WNT6: variants seen among roughly 807,000 people sequenced by gnomAD.
The protein encoded by WNT6 is Wnt family member 6, also known as protein Wnt-6.
In WNT6, 27 loss-of-function variants were observed where a neutral mutation model predicts 33.1. The observed-to-expected ratio is 0.82, with a 90% CI of 0.60 to 1.12. The LOEUF is 1.12. WNT6 is among the 50% of genes most tolerant of loss of function. The pLI is 0.00. For synonymous variants in WNT6, 249 were observed against 242.8 expected, an observed-to-expected ratio of 1.03 and a Z score of -0.24; for missense variants, 494 against 535.3, an observed-to-expected ratio of 0.92 and a Z score of 0.76.
intron 1 of WNT6, among the ~76,000 whole-genome samples, chr2:218,865,119 C>T (rs888455664): frequency 5.9e-5 from 9 of 152,200 alleles, no homozygotes; most frequent in Non-Finnish European, 1.2e-4. Context: ...CATCAGAAGC[C>T]AGGAGTTGGT....
intron 1 of WNT6, among the ~76,000 whole-genome samples, chr2:218,865,003 G>A (rs2106002862): frequency 6.6e-6 from 1 of 152,348 alleles, no homozygotes; most frequent in Middle Eastern, 3.4e-3. Flanking sequence ...AAAGGGCAGG[G>A]GCAGAAGGAG....
Position 218,871,341 on chromosome 2 carries a change from C to G in WNT6, c.301+94C>G. 2 of 1,497,924 alleles carry G rather than the reference C, an allele frequency of 1.3e-6. No homozygotes were observed. The highest frequency in any genetic ancestry group is 1.8e-6 in the Non-Finnish European group (2 of 1,100,928). 92.8% of individuals were successfully genotyped at this position (1,497,924 alleles called of 1,614,324 possible). A position where few individuals can be genotyped will look rare whatever the true frequency, so the allele number is the denominator to read the frequency against. On this transcript the variant is annotated intron_variant, in intron 2 of 3. Transcript: ENST00000233948. This position sits in a 1 kb window ranked among gnomAD's most constrained non-coding sequence, Gnocchi z 6.4. ...TGGTTCGCTGAAGTTGCCTGAGCCC[C>G]ACTTCCCCCTCACATGTGTCTGGGC...
At chr2:218,869,711 A>C (rs1184779947) in intron 1 of WNT6, among the ~76,000 whole-genome samples, 1 of 152,184 alleles carries the variant, frequency 6.6e-6, no homozygotes, top group East Asian at 1.9e-4. Context: ...CCAGGTATGA[A>C]TCCCTAAGGA....
intron 1 of WNT6, among the ~76,000 whole-genome samples, chr2:218,869,803 T>C (rs1944385278): frequency 6.6e-6 from 1 of 152,204 alleles, no homozygotes; most frequent in African/African-American, 2.4e-5. Context: ...GTTGAGGGAT[T>C]TCTGGAAGTG....
At chr2:218,861,304 A>G (rs376339521) in intron 1 of WNT6, among the ~76,000 whole-genome samples, 1 of 152,198 alleles carries the variant, frequency 6.6e-6, no homozygotes, top group South Asian at 2.1e-4. Flanking sequence ...TATCTAGGGA[A>G]CATATGCCCT....
intron 1 of WNT6, among the ~76,000 whole-genome samples, chr2:218,870,513 G>C (rs1484495440): frequency 6.6e-6 from 1 of 152,204 alleles, no homozygotes; most frequent in African/African-American, 2.4e-5. Flanking sequence ...CTCTCCCTGG[G>C]ATTGTTCTTG....
At chr2:218,866,042 GTTA>G (rs2106003385) in intron 1 of WNT6, among the ~76,000 whole-genome samples, 1 of 151,116 alleles carries the variant, frequency 6.6e-6, no homozygotes, top group Non-Finnish European at 1.5e-5. Context: ...TAATTACCGA[GTTA>G]GACAGAGCAG....
chr2:218,861,485 G>A (rs1944309917), intron 1 of WNT6, among the ~76,000 whole-genome samples: 2 of 152,074 alleles, frequency 1.3e-5, no homozygotes, highest in Admixed American at 1.3e-4. Flanking sequence ...GGTTAGGTGG[G>A]AGGACGTGTA....
rs1244863474 is a variant in WNT6 at position 218,867,526 on chromosome 2, T to G, written c.81-3501T>G. 6.6e-6 allele frequency among the ~76,000 whole-genome samples: 1 copy of G among 152,238 alleles called. No homozygotes were observed. The highest frequency in any genetic ancestry group is 6.5e-5 in the Admixed American group (1 of 15,288). On this transcript the variant is annotated intron_variant, in intron 1 of 3. Coordinates refer to ENST00000233948, the MANE Select transcript of WNT6 (RefSeq NM_006522.4). The surrounding 1 kb of genome is among the most constrained non-coding windows in gnomAD (Gnocchi z 4.9). ...AGACCTTGGCGCAGGCCAAGCCGGT[T>G]AGAATGACCATCCATTGCCTTGTCC...
At position 218,873,288 on chromosome 2, in the gene WNT6, C is replaced by T. The variant is rs1944419712; in HGVS notation, c.637-96C>T. On this transcript the variant is annotated intron_variant, in intron 3 of 3. Coordinates refer to ENST00000233948, the MANE Select transcript of WNT6 (RefSeq NM_006522.4). The surrounding 1 kb of genome is among the most constrained non-coding windows in gnomAD (Gnocchi z 6.1). ...TGTCTGCATTTTCCTCTCTTCCTTT[C>T]ACCTCCCATTCCCAATCTTATTTTC... 1 of 1,240,014 alleles carries T rather than the reference C, an allele frequency of 8.1e-7. No individual in the cohort carries two copies. The highest frequency in any genetic ancestry group is 2.6e-4 in the Middle Eastern group (1 of 3,790). The allele number at this position is 1,240,014 out of a possible 1,614,324, so 76.8% of individuals were successfully genotyped here.
intron 1 of WNT6, among the ~76,000 whole-genome samples, chr2:218,865,805 CT>C (rs1376603515): frequency 1.3e-5 from 2 of 152,130 alleles, no homozygotes; most frequent in Non-Finnish European, 2.9e-5. Context: ...ATAGGAAGCC[CT>C]TTTGTACAGC....
Position 218,873,828 on chromosome 2 carries a change from C to T in WNT6, c.1081C>T (p.Leu361Phe), listed in dbSNP as rs548768289. The T allele has an allele frequency of 2.6e-6, 4 of 1,523,822 alleles. No homozygotes were observed. Among genetic ancestry groups the T allele is most frequent in the South Asian group, 2.5e-5 (2 of 80,546 alleles). The allele number at this position is 1,523,822 out of a possible 1,614,324, so 94.4% of individuals were successfully genotyped here. ...QCHRCRVRKE[L>F]SLCL ...CCACCGCTGCCGTGTGCGCAAGGAG[C>T]TCAGCCTCTGCCTGTGACCCGCCGC... Residue 361 changes from leucine (L) to phenylalanine (F), a missense_variant, in exon 4 of 4, where the codon CTC (leucine) becomes TTC (phenylalanine). Physicochemically the swap from Leu to Phe is conservative, Grantham distance 22. Transcript: ENST00000233948. This position sits in a 1 kb window ranked among gnomAD's most constrained non-coding sequence, Gnocchi z 6.1.
chr2:218,861,693 G>T (rs752188267), intron 1 of WNT6, among the ~76,000 whole-genome samples: 6 of 152,154 alleles, frequency 3.9e-5, no homozygotes, highest in Admixed American at 1.3e-4. Flanking sequence ...TGGGGATGGG[G>T]TCCCTCCCTG....
rs2106005514 is a variant in WNT6, at chr2:218,871,310, G to A, written c.301+63G>A. 2.6e-6 allele frequency: 4 copies of A among 1,553,386 alleles called. No homozygotes were observed. The highest frequency in any genetic ancestry group is 3.5e-6 in the Non-Finnish European group (4 of 1,142,688). On this transcript the variant is annotated intron_variant, in intron 2 of 3. Coordinates refer to ENST00000233948, the MANE Select transcript of WNT6 (RefSeq NM_006522.4). The surrounding 1 kb of genome is among the most constrained non-coding windows in gnomAD (Gnocchi z 6.4). Reference sequence around the variant, plus strand: ...TCCCTGCTGTGGGACCCGAGGAGAGGAGAACTGGTTCGCTGAAGTTGCCTG... The same window carrying A: ...TCCCTGCTGTGGGACCCGAGGAGAGAAGAACTGGTTCGCTGAAGTTGCCTG...
intron 1 of WNT6, among the ~76,000 whole-genome samples, chr2:218,866,149 C>A (rs1386677906): frequency 1.3e-5 from 2 of 152,164 alleles, no homozygotes; most frequent in African/African-American, 4.8e-5. Flanking sequence ...CCACCTCCCC[C>A]ACCCCTGTGC....
rs752176348 is a variant in WNT6 at position 218,871,580 on chromosome 2, G to T, written c.397G>T (p.Gly133Cys). 1.2e-5 allele frequency: 18 copies of T among 1,542,250 alleles called. No individual in the cohort carries two copies. Among genetic ancestry groups the T allele is most frequent in the Non-Finnish European group, 1.5e-5 (17 of 1,154,722 alleles). The change falls in exon 3 of 4, where the codon GGC (glycine) becomes TGC (cysteine). Residue 133 changes from glycine (G) to cysteine (C), a missense_variant. By Grantham distance (159) the Gly-to-Cys change is radical. Coordinates refer to ENST00000233948, the MANE Select transcript of WNT6 (RefSeq NM_006522.4). The surrounding 1 kb of genome is among the most constrained non-coding windows in gnomAD (Gnocchi z 6.4). ...TTCTATGGGCGAGCTGCTGCAGTGC[G>T]GCTGCCAGGCGCCCCGCGGGCGGGC... ...ACSMGELLQC[G>C]CQAPRGRAPP... is the part of the protein sequence containing the mutation.
chr2:218,859,850 C>T lies in WNT6; in HGVS notation c.-188C>T, dbSNP rs1177698947. On this transcript the variant is annotated 5_prime_UTR_variant, in exon 1 of 4. Coordinates refer to ENST00000233948, the MANE Select transcript of WNT6 (RefSeq NM_006522.4). Reference sequence around the variant, plus strand: ...CAGGAGACACAGGCGCTGGCTGCCCCGTCCGCTCTCCGCCTCCGCCGCGCC... The same window carrying T: ...CAGGAGACACAGGCGCTGGCTGCCCTGTCCGCTCTCCGCCTCCGCCGCGCC... 9.6e-6 allele frequency: 2 copies of T among 208,698 alleles called. No homozygotes were observed. Among genetic ancestry groups the T allele is most frequent in the Non-Finnish European group, 1.8e-5 (2 of 111,888 alleles). The allele number at this position is 208,698 out of a possible 1,614,324, so 12.9% of individuals were successfully genotyped here.
At chr2:218,872,028 G>T (rs1397751268) in intron 3 of WNT6, among the ~76,000 whole-genome samples, 1 of 151,956 alleles carries the variant, frequency 6.6e-6, no homozygotes, top group African/African-American at 2.4e-5. Context: ...GAGTCACGTG[G>T]GGGTCTGAGA....
rs1195489024 is a variant in WNT6 at position 218,860,057 on chromosome 2, C to G, written c.20C>G (p.Ser7Cys). 15 of 1,519,340 alleles carry G rather than the reference C, an allele frequency of 9.9e-6. No homozygotes were observed. The highest frequency in any genetic ancestry group is 1.3e-5 in the Non-Finnish European group (15 of 1,139,282). 94.1% of individuals were successfully genotyped at this position (1,519,340 alleles called of 1,614,324 possible). A position where few individuals can be genotyped will look rare whatever the true frequency, so the allele number is the denominator to read the frequency against. Reference protein sequence around the residue: MLPPLPSRLGLLLLLLL... With the variant: MLPPLPCRLGLLLLLLL... ...GTCACGATGCTGCCGCCCTTACCCT[C>G]CCGCCTCGGGCTGCTGCTGCTGCTG... Residue 7 changes from serine (S) to cysteine (C), a missense_variant, in exon 1 of 4, where the codon TCC (serine) becomes TGC (cysteine). Transcript: ENST00000233948.
Sources: gnomAD v4.1 joint callset for allele counts (sites outside exome capture counted in the v4.1 genomes callset) on GRCh38, gnomAD v4.1.1 for gene constraint, Gnocchi (gnomAD v3.1) non-coding constraint, MANE v1.5 for transcripts, NCBI Gene and HGNC (gene_info 2026-07-23, HGNC 2026-07-21) for gene names.